The following GPHN variants were observed in gnomAD, a reference collection of about 807,000 sequenced individuals.
GPHN encodes the protein gephyrin.
A neutral mutation model predicts 95.5 loss-of-function variants in GPHN; 17 were observed. That is an observed-to-expected ratio of 0.18 (90% CI 0.12 to 0.27). The LOEUF is 0.27. Ranked by LOEUF, GPHN falls within the 10% of genes least tolerant of loss-of-function variation. The probability of loss-of-function intolerance (pLI) is 1.00; values close to 1 mark genes in which losing one functional copy is unlikely to be tolerated. For synonymous variants in GPHN, 320 were observed against 322.5 expected (o/e 0.99, Z 0.08); for missense variants, 660 against 978.1 (o/e 0.67, Z 4.34).
chr14:67,431,391 CAAAAAA>C, the GPHN span, among the ~76,000 whole-genome samples: 544 of 77,068 alleles, frequency 7.1e-3, 1 homozygote, highest in East Asian at 0.077. Flanking sequence ...GACTCTGTCT[CAAAAAA>C]AAAAAAAAAA....
intron 17 of GPHN, among the ~76,000 whole-genome samples, chr14:67,122,997 A>G (rs1031628139): frequency 1.3e-5 from 2 of 152,202 alleles, no homozygotes; most frequent in African/African-American, 4.8e-5. Flanking sequence ...TGTGATCAAA[A>G]GCAAGTCTAC....
chr14:67,181,942 T>A (rs184177289), downstream of GPHN: 95 of 158,234 alleles, frequency 6.0e-4, 7 homozygotes, highest in East Asian at 7.5e-3. Context: ...TGTATCTTAC[T>A]ACAATATGTG....
At chr14:67,095,600 TAAAAA>T (rs547654332) in intron 12 of GPHN, among the ~76,000 whole-genome samples, 2,160 of 152,142 alleles carry the variant, frequency 0.014, 54 homozygotes, top group Admixed American at 0.057. Flanking sequence ...TATGCAGCCA[TAAAAA>T]ACGATGAGTT....
At chr14:66,725,231 A>G (rs2071114648) in intron 2 of GPHN, among the ~76,000 whole-genome samples, 1 of 152,190 alleles carries the variant, frequency 6.6e-6, no homozygotes, top group African/African-American at 2.4e-5. Flanking sequence ...CACCCAGTGT[A>G]TGTATTTTAT....
At chr14:67,675,257 C>T in the GPHN span, among the ~76,000 whole-genome samples, 15 of 152,282 alleles carry the variant, frequency 9.9e-5, no homozygotes, top group East Asian at 9.7e-4. Flanking sequence ...CCTGTAATCC[C>T]AGTACTTTGG....
At chr14:66,831,109 AAG>A (rs1294323536) in intron 4 of GPHN, among the ~76,000 whole-genome samples, 1 of 152,078 alleles carries the variant, frequency 6.6e-6, no homozygotes, top group African/African-American at 2.4e-5. Flanking sequence ...ACTCTTGTGA[AAG>A]AGAGTGAGAA....
the GPHN span, among the ~76,000 whole-genome samples, chr14:67,233,342 A>T: frequency 6.6e-6 from 1 of 152,178 alleles, no homozygotes; most frequent in African/African-American, 2.4e-5. Context: ...GGGTTTTACC[A>T]TGTTGCCCAG....
At chr14:67,706,557 A>C in the GPHN span, among the ~76,000 whole-genome samples, 6 of 152,236 alleles carry the variant, frequency 3.9e-5, no homozygotes, top group Admixed American at 3.9e-4. Context: ...TCCAGGTCAC[A>C]GGAAGATGAG....
chr14:66,671,068 T>C (rs1195635233), intron 1 of GPHN, among the ~76,000 whole-genome samples: 1 of 152,240 alleles, frequency 6.6e-6, no homozygotes, highest in Non-Finnish European at 1.5e-5. Context: ...TCATCAAAAT[T>C]AGTTGCACAT....
the GPHN span, among the ~76,000 whole-genome samples, chr14:67,487,450 G>A: frequency 6.6e-6 from 1 of 152,196 alleles, no homozygotes. Flanking sequence ...GTGAATCTGA[G>A]AGGGGATATA....
intron 8 of GPHN, among the ~76,000 whole-genome samples, chr14:66,957,188 T>C (rs12896249): frequency 1.6e-5 from 1 of 62,376 alleles, no homozygotes; most frequent in East Asian, 7.2e-4. Context: ...TCTTTCTTTC[T>C]TTTTTTTTTT....
chr14:67,101,383 TAATAGGCCACATTGGA>T (rs577332082), intron 13 of GPHN, among the ~76,000 whole-genome samples: 1 of 152,204 alleles, frequency 6.6e-6, no homozygotes, highest in South Asian at 2.1e-4. Context: ...AATGAAGCAA[TAATAGGCCACATTGGA>T]AATACAAGTC....
chr14:66,830,567 A>T lies in GPHN; in HGVS notation c.294+6001A>T, dbSNP rs148974597. Among the ~76,000 whole-genome samples the T allele has an allele frequency of 8.1e-3, 1,233 of 152,278 alleles. 19 individuals are homozygous for T. The highest frequency in any genetic ancestry group is 0.052 in the East Asian group (270 of 5,188). On this transcript the variant is annotated intron_variant, in intron 4 of 22. Coordinates refer to ENST00000478722, the MANE Select transcript of GPHN (RefSeq NM_020806.5). ...ATTATACTCAAACAAAAGAAGAAAT[A>T]GCAAAAATACCAGGAAACTGTAAAT...
At chr14:67,580,193 C>G in the GPHN span, 2 of 259,030 alleles carry the variant, frequency 7.7e-6, no homozygotes, top group East Asian at 9.6e-5. Flanking sequence ...ACTGCCTACA[C>G]GTGCCCACTC....
At chr14:67,380,163 C>T in the GPHN span, among the ~76,000 whole-genome samples, 1 of 152,192 alleles carries the variant, frequency 6.6e-6, no homozygotes, top group Non-Finnish European at 1.5e-5. Context: ...ATTCAACAAA[C>T]ATGCCAGTTA....
chr14:67,192,841 T>C, the GPHN span, among the ~76,000 whole-genome samples: 1 of 145,966 alleles, frequency 6.9e-6, no homozygotes, highest in East Asian at 2.0e-4. Context: ...TATATATATA[T>C]CTATATATAG....
At chr14:67,290,595 A>AC in the GPHN span, among the ~76,000 whole-genome samples, 1 of 152,208 alleles carries the variant, frequency 6.6e-6, no homozygotes, top group Admixed American at 6.5e-5. Context: ...ACAGGATCTC[A>AC]CCATGTTGCC....
intron 17 of GPHN, among the ~76,000 whole-genome samples, chr14:67,135,624 A>G (rs2080031751): frequency 6.6e-6 from 1 of 151,384 alleles, no homozygotes; most frequent in South Asian, 2.1e-4. Context: ...AGCTTGTAAG[A>G]TTTTCTGTTT....
chr14:67,329,790 T>A, the GPHN span, among the ~76,000 whole-genome samples: 2 of 151,836 alleles, frequency 1.3e-5, no homozygotes, highest in African/African-American at 4.8e-5. Flanking sequence ...GCCGAGTTCG[T>A]GCTACTGCAC....
Sources: allele counts gnomAD v4.1 joint callset (sites outside exome capture counted in the v4.1 genomes callset), GRCh38; gene constraint gnomAD v4.1.1; transcripts MANE v1.5; gene names NCBI Gene and HGNC (gene_info 2026-07-23, HGNC 2026-07-21).